CACNA1C: variants seen among roughly 807,000 people sequenced by gnomAD.
CACNA1C encodes the protein voltage-dependent L-type calcium channel subunit alpha-1C.
Under a neutral mutation model 229.0 loss-of-function variants are expected in CACNA1C, and 30 were observed. The observed-to-expected ratio is 0.13, with a 90% confidence interval of 0.10 to 0.18. The LOEUF (loss-of-function observed/expected upper bound fraction) is 0.18. Among genes scored for constraint, CACNA1C ranks in the 10% least tolerant of loss-of-function variants. The pLI is 1.00. For missense variants in CACNA1C, 1,658 were observed against 2,845.0 expected (o/e 0.58, Z 9.49); for synonymous variants, 1,114 against 1,132.5 (o/e 0.98, Z 0.33).
chr12:2,389,133 T>A (rs1346365453), intron 3 of CACNA1C, among the ~76,000 whole-genome samples: 1 of 151,536 alleles, frequency 6.6e-6, no homozygotes, highest in Non-Finnish European at 1.5e-5. Flanking sequence ...ACCAGGAAAG[T>A]GTGGAGTCAT....
chr12:2,306,024 TA>T (rs1555421880), intron 3 of CACNA1C, among the ~76,000 whole-genome samples: 4 of 152,070 alleles, frequency 2.6e-5, no homozygotes, highest in Non-Finnish European at 4.4e-5. Context: ...CACCAAGAGG[TA>T]AGGAACTTGC....
intron 3 of CACNA1C, among the ~76,000 whole-genome samples, chr12:2,384,968 C>A (rs1567372353): frequency 6.6e-6 from 1 of 152,150 alleles, no homozygotes; most frequent in Non-Finnish European, 1.5e-5. Flanking sequence ...GAGTGGTCAG[C>A]CTCAGGGAGG....
chr12:2,466,014 C>T (rs548444886), intron 5 of CACNA1C, among the ~76,000 whole-genome samples: 11 of 152,278 alleles, frequency 7.2e-5, no homozygotes, highest in African/African-American at 2.6e-4. Flanking sequence ...GTTGAAAACT[C>T]ACCTGAGTGC....
intron 1 of CACNA1C, among the ~76,000 whole-genome samples, chr12:2,095,202 A>G (rs1201864973): frequency 6.6e-6 from 1 of 152,210 alleles, no homozygotes; most frequent in Non-Finnish European, 1.5e-5. Flanking sequence ...CATAAAACTC[A>G]GTATTTCTAG....
intron 12 of CACNA1C, among the ~76,000 whole-genome samples, chr12:2,567,242 C>T (rs2051562198): frequency 1.3e-5 from 2 of 152,198 alleles, no homozygotes; most frequent in South Asian, 4.1e-4. Flanking sequence ...GCACAGGCTA[C>T]TCACCTCTTT....
rs1372760091 is a variant in CACNA1C at position 2,679,575 on chromosome 12, G to A, written c.5223G>A (p.Glu1741=). Residue 1741 remains glutamate (E), a synonymous_variant, in exon 42 of 47, where the codon GAG becomes GAA. Coordinates refer to ENST00000399655, the MANE Select transcript of CACNA1C (RefSeq NM_000719.7). This position sits in a 1 kb window ranked among gnomAD's most constrained non-coding sequence, Gnocchi z 5.5. ...NKAGSSQGDT[E]SPSHEKLVDS... ...CGGGCAGCAGCCAGGGCGACACTGA[G>A]TCGCCATCCCACGAGAAGCTGGTGG... is the stretch of plus-strand genomic sequence containing the variant. 14 of 1,613,718 alleles carry A rather than the reference G, an allele frequency of 8.7e-6. No homozygotes were observed. Among genetic ancestry groups the A allele is most frequent in the Non-Finnish European group, 1.2e-5 (14 of 1,179,778 alleles).
chr12:2,047,885 G>A (rs543637159), intron 1 of CACNA1C, among the ~76,000 whole-genome samples: 115 of 152,378 alleles, frequency 7.5e-4, no homozygotes, highest in African/African-American at 2.6e-3. Flanking sequence ...AGGACATGAT[G>A]TGGGAGAGAG....
intron 28 of CACNA1C, among the ~76,000 whole-genome samples, chr12:2,611,402 A>G (rs1602042388): frequency 7.7e-6 from 1 of 130,210 alleles, no homozygotes; most frequent in Non-Finnish European, 1.6e-5. Flanking sequence ...AGCTGGATGC[A>G]TTCCTTGTTG....
At chr12:2,223,725 G>A (rs1196989017) in intron 3 of CACNA1C, among the ~76,000 whole-genome samples, 2 of 152,054 alleles carry the variant, frequency 1.3e-5, no homozygotes, top group African/African-American at 2.4e-5. Context: ...CAGTGCTATT[G>A]GATTTGAATT....
At chr12:2,526,026 T>C (rs2099818015) in intron 9 of CACNA1C, among the ~76,000 whole-genome samples, 1 of 152,076 alleles carries the variant, frequency 6.6e-6, no homozygotes, top group African/African-American at 2.4e-5. Flanking sequence ...TAGAAGGCAA[T>C]TGGCAGCGTT....
intron 3 of CACNA1C, among the ~76,000 whole-genome samples, chr12:2,320,344 T>C (rs2095915016): frequency 6.6e-6 from 1 of 152,242 alleles, no homozygotes; most frequent in South Asian, 2.1e-4. Flanking sequence ...TTCCCATGTA[T>C]TTGTTGAATA....
chr12:2,592,107 CTG>C (rs1327679499), intron 18 of CACNA1C, among the ~76,000 whole-genome samples: 1 of 152,254 alleles, frequency 6.6e-6, no homozygotes, highest in African/African-American at 2.4e-5. Flanking sequence ...GCGGGGGAAA[CTG>C]TTCAACCCAC....
chr12:2,445,902 G>A (rs895676952), intron 3 of CACNA1C, among the ~76,000 whole-genome samples: 2 of 152,154 alleles, frequency 1.3e-5, no homozygotes, highest in African/African-American at 4.8e-5. Context: ...TTCTGTGCTT[G>A]AGTGCTACCT....
intron 3 of CACNA1C, among the ~76,000 whole-genome samples, chr12:2,381,538 A>G (rs1240119764): frequency 2.0e-5 from 3 of 152,138 alleles, no homozygotes; most frequent in Admixed American, 2.0e-4. Flanking sequence ...TGGTGTTCCC[A>G]CCTCATCTGC....
At chr12:2,345,691 C>T (rs772806675) in intron 3 of CACNA1C, among the ~76,000 whole-genome samples, 4 of 152,100 alleles carry the variant, frequency 2.6e-5, no homozygotes, top group Admixed American at 6.5e-5. Flanking sequence ...TTATGCAAAT[C>T]GCCTGTTACT....
At chr12:2,573,869 C>T (rs769792013) in intron 13 of CACNA1C, among the ~76,000 whole-genome samples, 4 of 152,214 alleles carry the variant, frequency 2.6e-5, no homozygotes, top group Non-Finnish European at 4.4e-5. Context: ...GGTGGACTTA[C>T]AACTCATCCA....
At chr12:2,353,897 G>A (rs2097278866) in intron 3 of CACNA1C, among the ~76,000 whole-genome samples, 3 of 152,342 alleles carry the variant, frequency 2.0e-5, no homozygotes, top group Admixed American at 2.0e-4. Context: ...CGAATGCTGG[G>A]CTGTGGTGCT....
At position 2,067,487 on chromosome 12, in the gene CACNA1C, C is replaced by CGCGT. The variant is rs1291401223; in HGVS notation, c.49+13877_49+13878insCGTG. 2.1e-3 allele frequency among the ~76,000 whole-genome samples: 112 copies of CGCGT among 53,002 alleles called. 1 individual carries two copies. Among genetic ancestry groups the CGCGT allele is most frequent in the African/African-American group, 2.9e-3 (56 of 19,332 alleles). The allele number at this position is 53,002 out of a possible 152,430, so 34.8% of individuals were successfully genotyped here. ...GTGTGTGTGTGTGTGTGTGTGCGCG[C>CGCGT]GTGTGCGTGCCTGTATGTAAGGGCA... On this transcript the variant is annotated intron_variant, in intron 1 of 46. Transcript: ENST00000399655. This position sits in a 1 kb window ranked among gnomAD's most constrained non-coding sequence, Gnocchi z 5.3.
chr12:2,019,629 AGAAAAAG>A (rs1441598053), intron 1 of CACNA1C, among the ~76,000 whole-genome samples: 3 of 152,102 alleles, frequency 2.0e-5, no homozygotes, highest in Non-Finnish European at 4.4e-5. Context: ...AAAGAAAGAA[AGAAAAAG>A]AAAATCTAGA....
Sources: gnomAD v4.1 joint callset for allele counts (sites outside exome capture counted in the v4.1 genomes callset) on GRCh38, gnomAD v4.1.1 for gene constraint, Gnocchi (gnomAD v3.1) non-coding constraint, MANE v1.5 for transcripts, NCBI Gene and HGNC (gene_info 2026-07-23, HGNC 2026-07-21) for gene names.